The following CCDC30 variants were observed in gnomAD, a reference collection of about 807,000 sequenced individuals.
CCDC30 encodes the protein coiled-coil domain-containing protein 30.
A neutral mutation model predicts 100.2 loss-of-function variants in CCDC30; 70 were observed. The ratio of observed to expected loss-of-function variants is 0.70; its 90% CI spans 0.58 to 0.85. CCDC30 has a LOEUF of 0.85. CCDC30 is among the 40% of genes least tolerant of loss of function. The probability of loss-of-function intolerance (pLI) is 0.00; values close to 1 mark genes in which losing one functional copy is unlikely to be tolerated. For synonymous variants in CCDC30, 233 were observed against 269.5 expected (o/e 0.86, Z 1.33); for missense variants, 652 against 771.2 (o/e 0.85, Z 1.83).
intron 8 of CCDC30, among the ~76,000 whole-genome samples, chr1:42,579,138 A>C (rs568301303): frequency 1.3e-4 from 20 of 151,898 alleles, no homozygotes; most frequent in South Asian, 4.2e-4. Context: ...CTACAGGTGC[A>C]CACCACCATG....
chr1:42,487,409 G>A (rs1187636254), intron 3 of CCDC30, among the ~76,000 whole-genome samples: 1 of 151,732 alleles, frequency 6.6e-6, no homozygotes, highest in Non-Finnish European at 1.5e-5. Context: ...CCACCCCCTG[G>A]TATACACACA....
At chr1:42,638,765 A>G (rs1449672534) in intron 12 of CCDC30, among the ~76,000 whole-genome samples, 2 of 152,062 alleles carry the variant, frequency 1.3e-5, no homozygotes, top group African/African-American at 2.4e-5. Context: ...AATTCCAGCT[A>G]CTCAGGAGAC....
At chr1:42,579,223 C>G (rs1376084524) in intron 8 of CCDC30, among the ~76,000 whole-genome samples, 1 of 151,932 alleles carries the variant, frequency 6.6e-6, no homozygotes, top group African/African-American at 2.4e-5. Context: ...ATCTCTTGAC[C>G]TCGTGATCCA....
intron 6 of CCDC30, among the ~76,000 whole-genome samples, chr1:42,503,522 C>T (rs1276644036): frequency 6.9e-6 from 1 of 144,250 alleles, no homozygotes; most frequent in African/African-American, 2.5e-5. Context: ...TGCAAATGGG[C>T]TTTCTACTTG....
intron 6 of CCDC30, among the ~76,000 whole-genome samples, chr1:42,512,572 G>A (rs934340087): frequency 6.6e-6 from 1 of 152,128 alleles, no homozygotes; most frequent in African/African-American, 2.4e-5. Context: ...AAAACTTCCC[G>A]CATATTGCAC....
intron 3 of CCDC30, among the ~76,000 whole-genome samples, chr1:42,488,419 C>G (rs1325683821): frequency 6.6e-6 from 1 of 152,004 alleles, no homozygotes; most frequent in Admixed American, 6.6e-5. Context: ...GTTCAAGTGA[C>G]CCTCCTGCCT....
chr1:42,642,803 G>A (rs376096393), intron 13 of CCDC30, among the ~76,000 whole-genome samples, 194 bp downstream of exon 17: 3 of 152,338 alleles, frequency 2.0e-5, no homozygotes, highest in Admixed American at 6.5e-5. Context: ...CATGGAGGAG[G>A]CTGGTTGGCT....
intron 6 of CCDC30, among the ~76,000 whole-genome samples, chr1:42,563,026 C>T (rs2148560321): frequency 6.6e-6 from 1 of 152,268 alleles, no homozygotes; most frequent in South Asian, 2.1e-4. Flanking sequence ...TTAGTTCAAC[C>T]ATTGTGGAAG....
intron 9 of CCDC30, among the ~76,000 whole-genome samples, chr1:42,584,196 A>G (rs970380289): frequency 2.0e-5 from 3 of 152,236 alleles, no homozygotes; most frequent in Admixed American, 2.0e-4. Flanking sequence ...CACTATAACC[A>G]GAAACTTACA....
intron 3 of CCDC30, among the ~76,000 whole-genome samples, chr1:42,484,893 T>C (rs1348720652): frequency 6.6e-6 from 1 of 152,126 alleles, no homozygotes; most frequent in Non-Finnish European, 1.5e-5. Flanking sequence ...AGAAAAAAGA[T>C]GAATTTTTAA....
downstream of CCDC30, among the ~76,000 whole-genome samples, chr1:42,655,889 T>C: frequency 6.7e-6 from 1 of 149,662 alleles, no homozygotes; most frequent in East Asian, 1.9e-4. Flanking sequence ...TTTTTTTTTT[T>C]TTGAGACAGG....
At chr1:42,558,601 G>A (rs1281299127) in intron 6 of CCDC30, among the ~76,000 whole-genome samples, 1 of 152,168 alleles carries the variant, frequency 6.6e-6, no homozygotes, top group Non-Finnish European at 1.5e-5. Flanking sequence ...ATCACCCATT[G>A]ATAAGCAGTA....
chr1:42,610,483 G>C (rs11210680), intron 10 of CCDC30, among the ~76,000 whole-genome samples: 33,102 of 152,006 alleles, frequency 0.22, 4,579 homozygotes, highest in Non-Finnish European at 0.29. Flanking sequence ...GAGTGTGGTG[G>C]CATGATCTCA....
chr1:42,510,372 T>TTGG (rs1390176582), intron 6 of CCDC30, among the ~76,000 whole-genome samples: 4 of 152,086 alleles, frequency 2.6e-5, no homozygotes, highest in Admixed American at 6.5e-5. Context: ...GAGTTAAATT[T>TTGG]TGGAGGCCAG....
intron 10 of CCDC30, chr1:42,593,760 G>A (rs1462901830): frequency 1.3e-5 from 2 of 152,488 alleles, no homozygotes; most frequent in African/African-American, 4.8e-5. Context: ...ATAGGACAAA[G>A]ATCAAAATAT....
intron 11 of CCDC30, among the ~76,000 whole-genome samples, chr1:42,634,255 A>C (rs879520584): frequency 0.32 from 30,525 of 96,538 alleles, 4,082 homozygotes; most frequent in Non-Finnish European, 0.39. Context: ...GTCTCAAAAA[A>C]AAAAAAAAAA....
exon 1 of CCDC30, chr1:42,463,418 C>T (rs1474062218): frequency 6.6e-6 from 1 of 152,230 alleles, no homozygotes; most frequent in East Asian, 1.9e-4. Flanking sequence ...CTGCCTCAGC[C>T]CCAAGGAGGA....
chr1:42,458,369 G>A (rs1365512971), upstream of CCDC30, among the ~76,000 whole-genome samples: 2 of 152,170 alleles, frequency 1.3e-5, no homozygotes, highest in African/African-American at 4.8e-5. Flanking sequence ...ACCTTCAGGA[G>A]TTCTTAGTCA....
chr1:42,558,634 G>T (rs1039725071), intron 6 of CCDC30, among the ~76,000 whole-genome samples: 1 of 152,184 alleles, frequency 6.6e-6, no homozygotes, highest in African/African-American at 2.4e-5. Context: ...AAACACAGGC[G>T]TGTCTAATTC....
Sources: allele counts gnomAD v4.1 joint callset (sites outside exome capture counted in the v4.1 genomes callset), GRCh38; gene constraint gnomAD v4.1.1; transcripts MANE v1.5; gene names NCBI Gene and HGNC (gene_info 2026-07-23, HGNC 2026-07-21).